The following BBS9 variants were observed in gnomAD, a reference collection of about 807,000 sequenced individuals.
The protein encoded by BBS9 is protein PTHB1.
Under a neutral mutation model 117.7 loss-of-function variants are expected in BBS9, and 89 were observed. That is an observed-to-expected ratio of 0.76 (90% CI 0.64 to 0.90). The LOEUF (loss-of-function observed/expected upper bound fraction) is 0.90, where lower values mean the gene tolerates loss of function less well. Ranked by LOEUF, BBS9 falls within the 40% of genes least tolerant of loss-of-function variation. BBS9 has a pLI of 0.00. For synonymous variants in BBS9, 379 were observed against 370.9 expected, an observed-to-expected ratio of 1.02 and a Z score of -0.25; for missense variants, 982 against 1,042.2, an observed-to-expected ratio of 0.94 and a Z score of 0.80.
chr7:33,513,876 G>A (rs1292948002), intron 20 of BBS9, among the ~76,000 whole-genome samples: 2 of 152,162 alleles, frequency 1.3e-5, no homozygotes, highest in East Asian at 1.9e-4. Flanking sequence ...GACATATGGT[G>A]AAATCGACAT....
At chr7:33,401,392 G>A (rs1478692619) in intron 19 of BBS9, among the ~76,000 whole-genome samples, 1 of 152,220 alleles carries the variant, frequency 6.6e-6, no homozygotes, top group African/African-American at 2.4e-5. Flanking sequence ...TCTGAGCCAA[G>A]TGTGAGCGAC....
intron 19 of BBS9, among the ~76,000 whole-genome samples, chr7:33,488,939 G>A (rs934055471): frequency 1.1e-4 from 16 of 150,348 alleles, no homozygotes; most frequent in African/African-American, 3.9e-4. Flanking sequence ...GATAATAGCT[G>A]TAAGTGGCGT....
intron 4 of BBS9, among the ~76,000 whole-genome samples, chr7:33,164,058 A>T (rs1795281552): frequency 6.6e-6 from 1 of 152,172 alleles, no homozygotes; most frequent in African/African-American, 2.4e-5. Flanking sequence ...TTCAAAGAAC[A>T]TCTTTATTTC....
intron 5 of BBS9, among the ~76,000 whole-genome samples, chr7:33,239,965 G>A (rs989780997): frequency 3.3e-5 from 5 of 152,094 alleles, no homozygotes; most frequent in African/African-American, 7.2e-5. Context: ...TTGTGCCACC[G>A]TACTCCAGTC....
chr7:33,635,603 A>G (rs1866105125), exon 22 of BBS9, among the ~76,000 whole-genome samples: 1 of 152,130 alleles, frequency 6.6e-6, no homozygotes, highest in Non-Finnish European at 1.5e-5. Context: ...TTCTGGAAAA[A>G]TCCTCTGTGC....
chr7:33,412,094 T>C (rs556324277), intron 19 of BBS9, among the ~76,000 whole-genome samples: 11 of 152,312 alleles, frequency 7.2e-5, no homozygotes, highest in Non-Finnish European at 1.3e-4. Flanking sequence ...TAGTGACTAA[T>C]AGGAACTGTA....
chr7:33,526,237 T>C (rs1038748731), intron 20 of BBS9, among the ~76,000 whole-genome samples: 1 of 152,124 alleles, frequency 6.6e-6, no homozygotes, highest in Non-Finnish European at 1.5e-5. Context: ...TTGGAGTTGC[T>C]CTTCTGGAGG....
chr7:33,410,415 C>G (rs1252213312), intron 19 of BBS9, among the ~76,000 whole-genome samples: 1 of 152,106 alleles, frequency 6.6e-6, no homozygotes, highest in Admixed American at 6.5e-5. Context: ...TGCCTAAAAT[C>G]TTAGTTTCAT....
intron 19 of BBS9, among the ~76,000 whole-genome samples, chr7:33,475,995 G>A (rs979883993): frequency 2.0e-5 from 3 of 151,996 alleles, no homozygotes; most frequent in Non-Finnish European, 4.4e-5. Flanking sequence ...ACAGAGAGGC[G>A]GTCAATTGAT....
chr7:33,515,060 A>C (rs10253978), intron 20 of BBS9, among the ~76,000 whole-genome samples: 1 of 152,114 alleles, frequency 6.6e-6, no homozygotes, highest in Non-Finnish European at 1.5e-5. Flanking sequence ...TACTATTGCC[A>C]CTGTATGACA....
chr7:33,581,854 C>G (rs1045976772), intron 21 of BBS9, among the ~76,000 whole-genome samples: 1 of 152,080 alleles, frequency 6.6e-6, no homozygotes, highest in Non-Finnish European at 1.5e-5. Context: ...ACACGATTTC[C>G]AGAATAATTT....
At chr7:33,271,508 G>C (rs1447650790) in intron 7 of BBS9, among the ~76,000 whole-genome samples, 1 of 152,164 alleles carries the variant, frequency 6.6e-6, no homozygotes, top group Non-Finnish European at 1.5e-5. Flanking sequence ...TCAAAATAAA[G>C]AGATGAAGAA....
At chr7:33,284,042 A>G (rs1370726230) in intron 9 of BBS9, among the ~76,000 whole-genome samples, 1 of 152,114 alleles carries the variant, frequency 6.6e-6, no homozygotes, top group Admixed American at 6.6e-5. Flanking sequence ...AAGCACAGGT[A>G]TAGGGCCATA....
intron 1 of BBS9, among the ~76,000 whole-genome samples, chr7:33,138,611 T>G (rs993126716): frequency 6.6e-6 from 1 of 150,764 alleles, no homozygotes; most frequent in African/African-American, 2.4e-5. Context: ...TAAGGAAAAA[T>G]TGATAGAGCA....
chr7:33,563,510 A>G (rs73109678), intron 21 of BBS9, among the ~76,000 whole-genome samples: 15,988 of 152,282 alleles, frequency 0.1, 880 homozygotes, highest in Middle Eastern at 0.14. Context: ...ACATTTGATT[A>G]GAAAATTGAA....
At chr7:33,249,474 C>T (rs1169443818) in intron 5 of BBS9, among the ~76,000 whole-genome samples, 1 of 151,846 alleles carries the variant, frequency 6.6e-6, no homozygotes, top group Admixed American at 6.6e-5. Flanking sequence ...AACTTTTCTG[C>T]CTCTACCCCC....
intron 21 of BBS9, among the ~76,000 whole-genome samples, chr7:33,564,153 G>C (rs78274231): frequency 6.6e-6 from 1 of 152,118 alleles, no homozygotes; most frequent in Admixed American, 6.6e-5. Context: ...AGAGAGGAGA[G>C]ATATCTTATT....
At chr7:33,271,280 A>T (rs1020051930) in intron 7 of BBS9, among the ~76,000 whole-genome samples, 2 of 152,238 alleles carry the variant, frequency 1.3e-5, no homozygotes, top group African/African-American at 4.8e-5. Flanking sequence ...AAATACATGG[A>T]GTAATGACAC....
intron 17 of BBS9, among the ~76,000 whole-genome samples, chr7:33,382,697 T>TG (rs1825303456): frequency 6.6e-6 from 1 of 151,646 alleles, no homozygotes; most frequent in East Asian, 1.9e-4. Flanking sequence ...CTCATAGGGC[T>TG]GTTAGGGTTT....
Sources: gnomAD v4.1 joint callset for allele counts (sites outside exome capture counted in the v4.1 genomes callset) on GRCh38, gnomAD v4.1.1 for gene constraint, MANE v1.5 for transcripts, NCBI Gene and HGNC (gene_info 2026-07-23, HGNC 2026-07-21) for gene names.